The following SUPT6H variants were observed in gnomAD, a reference collection of about 807,000 sequenced individuals.
The protein encoded by SUPT6H is SPT6 homolog, histone chaperone and transcription elongation factor.
SUPT6H carries 11 observed loss-of-function variants against 222.3 expected under a neutral mutation model. The ratio of observed to expected loss-of-function variants is 0.05; its 90% CI spans 0.03 to 0.08. SUPT6H has a LOEUF of 0.08. Ranked by LOEUF, SUPT6H falls within the 10% of genes least tolerant of loss-of-function variation. SUPT6H has a pLI of 1.00. For missense variants in SUPT6H, 1,422 were observed against 2,216.0 expected (o/e 0.64, Z 7.19); for synonymous variants, 762 against 801.2 (o/e 0.95, Z 0.83).
chr17:28,677,741 T>C lies in SUPT6H; in HGVS notation c.924T>C (p.Ala308=). The C allele has an allele frequency of 6.2e-7, 1 of 1,614,212 alleles. No homozygotes were observed. The change falls in exon 8 of 37, where the codon GCT becomes GCC. Residue 308 remains alanine (A), a synonymous_variant. Transcript: ENST00000314616. ...FQLRSIPVKG[A]EDDELEEEAD... is the part of the protein sequence containing the mutation. The stretch of plus-strand genomic sequence containing the variant: ...TCCGCTCCATCCCAGTCAAGGGGGC[T>C]GAAGATGATGAACTAGAAGAAGAAG...
At chr17:28,672,332 A>G (rs2030465597) in intron 1 of SUPT6H, among the ~76,000 whole-genome samples, 1 of 152,196 alleles carries the variant, frequency 6.6e-6, no homozygotes, top group South Asian at 2.1e-4. Flanking sequence ...TTCAAATGGT[A>G]AGTGAGGTAA....
At position 28,688,838 on chromosome 17, in the gene SUPT6H, A is replaced by G. The variant is rs1456804965; in HGVS notation, c.3135-516A>G. The G allele has an allele frequency of 2.5e-5, 4 of 161,982 alleles. No individual in the cohort carries two copies. The highest frequency in any genetic ancestry group is 4.0e-5 in the Non-Finnish European group (3 of 74,466). 10.0% of individuals were successfully genotyped at this position (161,982 alleles called of 1,614,324 possible). On this transcript the variant is annotated intron_variant, in intron 24 of 36. Transcript: ENST00000314616. This position sits in a 1 kb window ranked among gnomAD's most constrained non-coding sequence, Gnocchi z 4.3. ...AACACTCCACGAATAACATAGGTCCATGTGAGTGCACGGGCAAGACCAGCC... is the reference window on the plus strand; with the variant it reads ...AACACTCCACGAATAACATAGGTCCGTGTGAGTGCACGGGCAAGACCAGCC...
At chr17:28,668,510 T>G (rs2030226016) in intron 1 of SUPT6H, among the ~76,000 whole-genome samples, 1 of 152,164 alleles carries the variant, frequency 6.6e-6, no homozygotes, top group South Asian at 2.1e-4. Flanking sequence ...TATAGCATAG[T>G]GTGTGCTTTA....
chr17:28,669,104 A>G (rs975279914), intron 1 of SUPT6H, among the ~76,000 whole-genome samples: 2 of 152,266 alleles, frequency 1.3e-5, no homozygotes, highest in Non-Finnish European at 2.9e-5. Context: ...ACCAGATTCG[A>G]AATTAAAACT....
At chr17:28,701,348 G>A in intron 36 of SUPT6H, 91 bp from the exon 37 acceptor site, 1 of 1,512,450 alleles carries the variant, frequency 6.6e-7, no homozygotes, top group Non-Finnish European at 9.0e-7. Flanking sequence ...GCTGCCCATA[G>A]GTATGAGGTT....
intron 27 of SUPT6H, among the ~76,000 whole-genome samples, chr17:28,692,230 AGG>A: frequency 6.6e-6 from 1 of 151,248 alleles, no homozygotes; most frequent in East Asian, 2.0e-4. Context: ...AGGCTGAGGC[AGG>A]AGAATGGTGT....
intron 29 of SUPT6H, among the ~76,000 whole-genome samples, chr17:28,696,228 G>A (rs2031905972): frequency 6.8e-6 from 1 of 147,522 alleles, no homozygotes; most frequent in African/African-American, 2.5e-5. Context: ...ACCCAGGAGT[G>A]AGAAGTTGCA....
At chr17:28,675,552 C>T in intron 6 of SUPT6H, 67 bp downstream of exon 6, 1 of 1,559,344 alleles carries the variant, frequency 6.4e-7, no homozygotes, top group African/African-American at 1.4e-5. Flanking sequence ...AGGAGGAGAT[C>T]AGAGGCCTTT....
intron 28 of SUPT6H, 33 bp downstream of exon 28, chr17:28,693,869 A>G (rs1412525264): frequency 6.2e-7 from 1 of 1,613,810 alleles, no homozygotes; most frequent in South Asian, 1.1e-5. Flanking sequence ...GTCGTAGTGC[A>G]ATTTTCAGCT....
At chr17:28,686,871 A>C in intron 21 of SUPT6H, 82 bp downstream of exon 21, 1 of 1,516,036 alleles carries the variant, frequency 6.6e-7, no homozygotes, top group Non-Finnish European at 8.8e-7. Context: ...AACAAAAGTT[A>C]TCAGGGGCAC....
chr17:28,675,321 C>T, intron 5 of SUPT6H, 80 bp from the exon 6 acceptor site: 1 of 1,542,736 alleles, frequency 6.5e-7, no homozygotes, highest in South Asian at 1.1e-5. Context: ...TCACTGGCCA[C>T]TCACATAGTA....
At position 28,674,364 on chromosome 17, in the gene SUPT6H, A is replaced by C. The variant is rs2030609360; in HGVS notation, c.191A>C (p.Glu64Ala). The C allele has an allele frequency of 1.2e-6, 2 of 1,614,070 alleles. No homozygotes were observed. The highest frequency in any genetic ancestry group is 2.2e-5 in the East Asian group (1 of 44,892). ...LKGFINDDDD[E>A]DEGEEDEGSD... is the part of the protein sequence containing the mutation. The stretch of plus-strand genomic sequence containing the variant: ...GGCTTTATCAATGACGATGATGATG[A>C]AGATGAAGGGGAGGAGGATGAGGGC... The change falls in exon 3 of 37, where the codon GAA becomes GCA. Residue 64 changes from glutamate to alanine, a missense_variant. Glu to Ala is a moderately radical substitution (Grantham distance 107). Coordinates refer to ENST00000314616, the MANE Select transcript of SUPT6H (RefSeq NM_003170.5).
In SUPT6H at chr17:28,688,003, TTTG is replaced by T; in HGVS notation, c.3007-85_3007-83del. 7.1e-7 allele frequency: 1 copy of T among 1,406,956 alleles called. No homozygotes were observed. Among genetic ancestry groups the T allele is most frequent in the Non-Finnish European group, 9.3e-7 (1 of 1,071,272 alleles). 87.2% of individuals were successfully genotyped at this position (1,406,956 alleles called of 1,614,324 possible). On this transcript the variant is annotated intron_variant, in intron 23 of 36. Coordinates refer to ENST00000314616, the MANE Select transcript of SUPT6H (RefSeq NM_003170.5). The surrounding 1 kb of genome is among the most constrained non-coding windows in gnomAD (Gnocchi z 4.3). ...ACTAGATACTGGGTGGGACAGAGTT[TTTG>T]TTATGAGGGTTTAATAGAGACTGGA... is the stretch of plus-strand genomic sequence containing the variant.
At chr17:28,692,951 A>G (rs919224704) in intron 27 of SUPT6H, among the ~76,000 whole-genome samples, 2 of 149,142 alleles carry the variant, frequency 1.3e-5, no homozygotes, top group Non-Finnish European at 3.0e-5. Context: ...CAGTGAGCCA[A>G]GATTGTGCCA....
chr17:28,691,281 C>A lies in SUPT6H; in HGVS notation c.3633+218C>A. On this transcript the variant is annotated intron_variant, in intron 27 of 36. Coordinates refer to ENST00000314616, the MANE Select transcript of SUPT6H (RefSeq NM_003170.5). Reference sequence around the variant, plus strand: ...GTGGCTCACGCCTATAATCCTAGCACTTTGGGGGCCAAGGTGGGCGGTTCA... The same window carrying A: ...GTGGCTCACGCCTATAATCCTAGCAATTTGGGGGCCAAGGTGGGCGGTTCA... 5 of 543,948 alleles carry A rather than the reference C, an allele frequency of 9.2e-6. No homozygotes were observed. In the South Asian group the frequency reaches 1.3e-4, roughly 14 times the overall value. The allele number at this position is 543,948 out of a possible 1,614,324, so 33.7% of individuals were successfully genotyped here.
intron 19 of SUPT6H, among the ~76,000 whole-genome samples, chr17:28,686,093 C>T (rs775197753): frequency 6.6e-6 from 1 of 152,144 alleles, no homozygotes; most frequent in African/African-American, 2.4e-5. Context: ...TTCCTAACTT[C>T]ATCCTTGGGA....
rs770688586 is a variant in SUPT6H at position 28,676,447 on chromosome 17, C to G, written c.897+17C>G. 4.3e-6 allele frequency: 7 copies of G among 1,612,618 alleles called. 1 individual carries two copies. The highest frequency in any genetic ancestry group is 2.2e-5 in the South Asian group (2 of 91,068). ...AGGTTCCAGGTAAAAAACCACCAGC[C>G]TCTGCTCTTCTACCAATCCATAATT... On this transcript the variant is annotated intron_variant, in intron 7 of 36. Coordinates refer to ENST00000314616, the MANE Select transcript of SUPT6H (RefSeq NM_003170.5).
chr17:28,685,560 C>T (rs1355284882), intron 19 of SUPT6H, among the ~76,000 whole-genome samples: 1 of 151,522 alleles, frequency 6.6e-6, no homozygotes, highest in Non-Finnish European at 1.5e-5. Flanking sequence ...CAAGAACTCA[C>T]CTCACTGCAA....
intron 2 of SUPT6H, among the ~76,000 whole-genome samples, chr17:28,673,795 C>G (rs1055431115): frequency 2.6e-5 from 4 of 152,186 alleles, no homozygotes; most frequent in African/African-American, 7.2e-5. Flanking sequence ...GTATATAATA[C>G]TTTCTGCTTT....
Sources: gnomAD v4.1 joint callset for allele counts (sites outside exome capture counted in the v4.1 genomes callset) on GRCh38, gnomAD v4.1.1 for gene constraint, Gnocchi (gnomAD v3.1) non-coding constraint, MANE v1.5 for transcripts, NCBI Gene and HGNC (gene_info 2026-07-23, HGNC 2026-07-21) for gene names.